CHIC2: variants seen among roughly 807,000 people sequenced by gnomAD.
The protein encoded by CHIC2 is cysteine rich hydrophobic domain 2.
Under a neutral mutation model 25.9 loss-of-function variants are expected in CHIC2, and 14 were observed. The ratio of observed to expected loss-of-function variants is 0.54; its 90% CI spans 0.36 to 0.85. The LOEUF (loss-of-function observed/expected upper bound fraction) is 0.85, where lower values mean the gene tolerates loss of function less well. CHIC2 is among the 40% of genes least tolerant of loss of function. CHIC2 has a pLI of 0.01. For missense variants in CHIC2, 146 were observed against 202.0 expected, an observed-to-expected ratio of 0.72 and a Z score of 1.68; for synonymous variants, 70 against 72.0, an observed-to-expected ratio of 0.97 and a Z score of 0.14.
At chr4:54,085,627 T>G in the CHIC2 span, among the ~76,000 whole-genome samples, 1 of 152,238 alleles carries the variant, frequency 6.6e-6, no homozygotes, top group Non-Finnish European at 1.5e-5. Flanking sequence ...CAACCCTGTG[T>G]AAATTATAAA....
chr4:54,053,649 G>A (rs1280702149), intron 1 of CHIC2, among the ~76,000 whole-genome samples: 3 of 151,594 alleles, frequency 2.0e-5, no homozygotes, highest in South Asian at 4.1e-4. Flanking sequence ...CAGTGGCACA[G>A]ATATGTTAAT....
At chr4:54,078,726 G>T in the CHIC2 span, among the ~76,000 whole-genome samples, 3 of 151,698 alleles carry the variant, frequency 2.0e-5, no homozygotes, top group South Asian at 6.2e-4. Flanking sequence ...TGTTGGCCAG[G>T]CTGGTCTCAA....
chr4:54,076,294 A>C, the CHIC2 span, among the ~76,000 whole-genome samples: 1 of 152,174 alleles, frequency 6.6e-6, no homozygotes, highest in East Asian at 1.9e-4. Context: ...TCAAAAAAAA[A>C]ATTAATTAAT....
intron 5 of CHIC2, among the ~76,000 whole-genome samples, chr4:54,011,751 G>A (rs749798419): frequency 2.0e-5 from 3 of 151,708 alleles, no homozygotes; most frequent in Non-Finnish European, 2.9e-5. Context: ...ATAGAGACTG[G>A]CCACTTGTCT....
intron 1 of CHIC2, among the ~76,000 whole-genome samples, chr4:54,050,093 G>C (rs775863069): frequency 2.6e-5 from 4 of 152,090 alleles, no homozygotes; most frequent in Non-Finnish European, 4.4e-5. Context: ...TTGGAGAACA[G>C]AGAATTCATT....
chr4:54,063,246 T>C (rs1423966532), intron 1 of CHIC2, among the ~76,000 whole-genome samples: 1 of 152,218 alleles, frequency 6.6e-6, no homozygotes, highest in Non-Finnish European at 1.5e-5. Flanking sequence ...CAGAGATACC[T>C]GACAAGTATG....
At chr4:54,039,726 T>C (rs1402387946) in intron 3 of CHIC2, among the ~76,000 whole-genome samples, 3 of 152,194 alleles carry the variant, frequency 2.0e-5, no homozygotes, top group Admixed American at 2.0e-4. Context: ...TGAAAACTTG[T>C]GTTCACACAA....
chr4:54,047,496 G>C (rs1220034419), intron 3 of CHIC2, among the ~76,000 whole-genome samples: 2 of 152,168 alleles, frequency 1.3e-5, no homozygotes, highest in South Asian at 4.2e-4. Context: ...CATGTCCTTT[G>C]TAAGGACATG....
At chr4:54,031,916 A>C (rs35185347) in intron 3 of CHIC2, among the ~76,000 whole-genome samples, 1 of 151,742 alleles carries the variant, frequency 6.6e-6, no homozygotes, top group African/African-American at 2.4e-5. Context: ...CACAGTGCCC[A>C]GCCCACTTGC....
the CHIC2 span, among the ~76,000 whole-genome samples, chr4:54,079,276 CA>C: frequency 2.6e-5 from 4 of 152,124 alleles, no homozygotes; most frequent in African/African-American, 9.7e-5. Flanking sequence ...TTTATCCTTT[CA>C]GACTTAAGCT....
the CHIC2 span, among the ~76,000 whole-genome samples, chr4:54,091,612 C>T: frequency 6.6e-6 from 1 of 152,194 alleles, no homozygotes. Context: ...GATGGGTGCA[C>T]CAAAATCTCA....
intron 3 of CHIC2, among the ~76,000 whole-genome samples, chr4:54,039,572 C>T (rs79975800): frequency 0.036 from 5,516 of 152,274 alleles, 143 homozygotes; most frequent in Non-Finnish European, 0.058. Flanking sequence ...ATATCAAGTC[C>T]TGCAAGGATG....
intron 3 of CHIC2, among the ~76,000 whole-genome samples, chr4:54,017,806 CCTTT>C (rs1343203586): frequency 2.6e-5 from 4 of 152,048 alleles, no homozygotes; most frequent in African/African-American, 7.2e-5. Flanking sequence ...TTTAAATAAC[CCTTT>C]TTCTTTAAAA....
upstream of CHIC2, among the ~76,000 whole-genome samples, chr4:54,067,426 C>T (rs1187751860): frequency 5.3e-5 from 8 of 151,920 alleles, no homozygotes; most frequent in African/African-American, 1.9e-4. Context: ...CAAACATTTT[C>T]CTGATGAGAG....
At chr4:54,089,132 C>T in the CHIC2 span, among the ~76,000 whole-genome samples, 1 of 152,158 alleles carries the variant, frequency 6.6e-6, no homozygotes, top group African/African-American at 2.4e-5. Flanking sequence ...CCCTTGAGAC[C>T]TCAGTCTCCC....
At position 54,038,558 on chromosome 4, in the gene CHIC2, T is replaced by C. The variant is rs1290618762; in HGVS notation, c.330+10397A>G. The stretch of plus-strand genomic sequence containing the variant: ...TAAGATGTCAATTCTCTCCAATTCA[T>C]CTGTAAATTGAATGTAATTCCAATC... On this transcript the variant is annotated intron_variant, in intron 3 of 5. Coordinates refer to ENST00000263921, the MANE Select transcript of CHIC2 (RefSeq NM_012110.4). Among the ~76,000 whole-genome samples the C allele has an allele frequency of 2.6e-5, 4 of 152,232 alleles. No individual in the cohort carries two copies. In the East Asian group the frequency reaches 5.8e-4, roughly 22 times the overall value.
At chr4:54,051,748 C>T (rs1717013464) in intron 1 of CHIC2, among the ~76,000 whole-genome samples, 1 of 152,162 alleles carries the variant, frequency 6.6e-6, no homozygotes, top group African/African-American at 2.4e-5. Context: ...TCGCTTCAGG[C>T]TCCTTAAACA....
At chr4:54,035,512 A>T (rs1005745213) in intron 3 of CHIC2, among the ~76,000 whole-genome samples, 1 of 152,192 alleles carries the variant, frequency 6.6e-6, no homozygotes, top group Non-Finnish European at 1.5e-5. Flanking sequence ...GTTGAATTAC[A>T]GGCATACAGT....
the CHIC2 span, among the ~76,000 whole-genome samples, chr4:54,080,942 GTATATATATATATATATA>G: frequency 0.04 from 4,047 of 101,132 alleles, 196 homozygotes; most frequent in African/African-American, 0.11. Context: ...ATGTGTGTGT[GTATATATATATATATATA>G]TATATATATA....
Sources: gnomAD v4.1 joint callset for allele counts (sites outside exome capture counted in the v4.1 genomes callset) on GRCh38, gnomAD v4.1.1 for gene constraint, MANE v1.5 for transcripts, NCBI Gene and HGNC (gene_info 2026-07-23, HGNC 2026-07-21) for gene names.